Variants in GLDC observed in about 807,000 individuals in gnomAD.
GLDC encodes the protein glycine decarboxylase, also known as glycine dehydrogenase (decarboxylating), mitochondrial.
GLDC carries 104 observed loss-of-function variants against 121.3 expected under a neutral mutation model. That is an observed-to-expected ratio of 0.86 (90% CI 0.73 to 1.01). The LOEUF (loss-of-function observed/expected upper bound fraction) is 1.01. Ranked by LOEUF, GLDC falls within the 50% of genes least tolerant of loss-of-function variation. The pLI, the probability that GLDC is intolerant of heterozygous loss-of-function variation, is 0.00. For synonymous variants in GLDC, 546 were observed against 480.6 expected (o/e 1.14, Z -1.78); for missense variants, 1,429 against 1,306.6 (o/e 1.09, Z -1.44).
chr9:6,572,260 A>G (rs554461140), intron 15 of GLDC, among the ~76,000 whole-genome samples: 11 of 152,230 alleles, frequency 7.2e-5, no homozygotes, highest in Admixed American at 3.3e-4. Context: ...GTATCTGCAA[A>G]CTACCATAGC....
intron 3 of GLDC, among the ~76,000 whole-genome samples, chr9:6,611,810 G>C (rs1291746871): frequency 6.6e-6 from 1 of 152,082 alleles, no homozygotes; most frequent in Admixed American, 6.6e-5. Context: ...TTTATCAGAT[G>C]GACTAGATTG....
At position 6,540,271 on chromosome 9, in the gene GLDC, C is replaced by T; in HGVS notation, c.2570-125G>A. On this transcript the variant is annotated intron_variant, in intron 21 of 24. Coordinates refer to ENST00000321612, the MANE Select transcript of GLDC (RefSeq NM_000170.3). ...ATGTGTATCAGCGAGGACCAAGAAGCCATGGGCACCGGGTAAGTTTATTAT... is the reference window on the plus strand; with the variant it reads ...ATGTGTATCAGCGAGGACCAAGAAGTCATGGGCACCGGGTAAGTTTATTAT... 4.1e-6 allele frequency: 3 copies of T among 722,954 alleles called. No homozygotes were observed. The South Asian group carries it at 4.5e-5, about 11-fold the overall frequency. 44.8% of individuals were successfully genotyped at this position (722,954 alleles called of 1,614,324 possible).
chr9:6,618,435 C>A (rs555832949), intron 3 of GLDC, among the ~76,000 whole-genome samples: 3 of 152,126 alleles, frequency 2.0e-5, no homozygotes, highest in East Asian at 1.9e-4. Context: ...AGCCTCCCAA[C>A]TAGCTGCGAT....
At chr9:6,630,200 C>T (rs887870116) in intron 2 of GLDC, among the ~76,000 whole-genome samples, 1 of 151,560 alleles carries the variant, frequency 6.6e-6, no homozygotes, top group African/African-American at 2.4e-5. Context: ...ACCCAGGAGG[C>T]GGAGCTTGCA....
intron 11 of GLDC, 69 bp from the exon 12 acceptor site, chr9:6,589,361 C>G (rs992109845): frequency 1.8e-5 from 16 of 878,106 alleles, no homozygotes; most frequent in Non-Finnish European, 3.1e-5. Flanking sequence ...ATCCAGGCTT[C>G]TGGGTGGCTG....
intron 15 of GLDC, among the ~76,000 whole-genome samples, chr9:6,578,654 C>T (rs1236719202): frequency 6.6e-6 from 1 of 152,008 alleles, no homozygotes; most frequent in African/African-American, 2.4e-5. Flanking sequence ...ATCCTCCCAC[C>T]TCAGCCCCCA....
intron 24 of GLDC, among the ~76,000 whole-genome samples, chr9:6,534,481 A>G (rs1184759903): frequency 1.3e-5 from 2 of 152,170 alleles, no homozygotes; most frequent in East Asian, 1.9e-4. Context: ...ACTCGTATTC[A>G]GTTTTCCCCC....
chr9:6,584,056 A>C (rs1818219833), intron 15 of GLDC, among the ~76,000 whole-genome samples: 2 of 152,244 alleles, frequency 1.3e-5, no homozygotes, highest in Non-Finnish European at 2.9e-5. Flanking sequence ...CACAATAAAA[A>C]ATACTTTAGA....
At chr9:6,545,793 A>G (rs1170560712) in intron 21 of GLDC, among the ~76,000 whole-genome samples, 2 of 151,972 alleles carry the variant, frequency 1.3e-5, no homozygotes, top group Non-Finnish European at 2.9e-5. Context: ...GATGTCCACC[A>G]CCATGCCTGG....
At chr9:6,622,736 C>A (rs968183603) in intron 2 of GLDC, 17 of 204,326 alleles carry the variant, frequency 8.3e-5, no homozygotes, top group East Asian at 1.7e-4. Context: ...CTCTGCCTGG[C>A]TGCCCAGTCT....
At chr9:6,570,306 G>C (rs1304384941) in intron 15 of GLDC, among the ~76,000 whole-genome samples, 1 of 152,116 alleles carries the variant, frequency 6.6e-6, no homozygotes, top group Non-Finnish European at 1.5e-5. Context: ...CCACGCTGTG[G>C]ATTCTAAAGT....
chr9:6,645,476 C>T lies in GLDC; in HGVS notation c.24G>A (p.Trp8Ter), dbSNP rs1163356968. 9.5e-6 allele frequency: 12 copies of T among 1,268,762 alleles called. No individual in the cohort carries two copies. Among genetic ancestry groups the T allele is most frequent in the African/African-American group, 1.6e-5 (1 of 63,980 alleles). The allele number at this position is 1,268,762 out of a possible 1,614,324, so 78.6% of individuals were successfully genotyped here. The change falls in exon 1 of 25, where the codon TGG (tryptophan) becomes TGA (stop). Residue 8 changes from tryptophan to a stop codon, truncating the protein, a stop_gained. Transcript: ENST00000321612. LOFTEE classifies it high-confidence loss of function. MQSCARAWGLRLGRGVGG... is the reference protein window; with the variant it reads MQSCARA The stretch of plus-strand genomic sequence containing the variant: ...CGACCCCGCGGCCCAGGCGCAGCCC[C>T]CACGCCCTGGCACAGGACTGCATGG...
intron 17 of GLDC, 117 bp downstream of exon 17, chr9:6,558,442 A>C: frequency 1.7e-6 from 2 of 1,168,926 alleles, no homozygotes; most frequent in Non-Finnish European, 1.3e-6. Context: ...CAAAGGAAGA[A>C]CTGCAGACTT....
Position 6,645,606 on chromosome 9 carries a change from CT to C in GLDC, c.-108del. 1 of 805,280 alleles carries C rather than the reference CT, an allele frequency of 1.2e-6. No homozygotes were observed. The highest frequency in any genetic ancestry group is 4.7e-4 in the Middle Eastern group (1 of 2,142). 49.9% of individuals were successfully genotyped at this position (805,280 alleles called of 1,614,324 possible). On this transcript the variant is annotated 5_prime_UTR_variant, in exon 1 of 25. Transcript: ENST00000321612. Reference sequence around the variant, plus strand: ...GGCGGCTGCGCCCGGCCTGGAGCCCCTTTCGCTGGACAGTCGGCCGGACAGA... The same window carrying C: ...GGCGGCTGCGCCCGGCCTGGAGCCCCTTCGCTGGACAGTCGGCCGGACAGA...
At chr9:6,611,376 T>G (rs1818849485) in intron 3 of GLDC, among the ~76,000 whole-genome samples, 1 of 152,050 alleles carries the variant, frequency 6.6e-6, no homozygotes, top group Non-Finnish European at 1.5e-5. Flanking sequence ...GCTAACATGG[T>G]GAAACCCGTC....
At chr9:6,556,567 C>T (rs1371771140) in intron 17 of GLDC, among the ~76,000 whole-genome samples, 1 of 152,084 alleles carries the variant, frequency 6.6e-6, no homozygotes, top group Non-Finnish European at 1.5e-5. Context: ...CCGAGGCGGG[C>T]AGATCACCTA....
intron 16 of GLDC, among the ~76,000 whole-genome samples, chr9:6,563,783 A>G (rs890747487): frequency 2.0e-5 from 3 of 152,142 alleles, no homozygotes; most frequent in African/African-American, 7.2e-5. Flanking sequence ...GCAGTCCTTG[A>G]CCAGGGTTTA....
chr9:6,540,720 C>T (rs201283465), intron 21 of GLDC: 225 of 159,422 alleles, frequency 1.4e-3, no homozygotes, highest in Middle Eastern at 0.013. Flanking sequence ...TAGAAATACG[C>T]GACGTCAAAC....
chr9:6,611,711 G>C (rs1818861300), intron 3 of GLDC, among the ~76,000 whole-genome samples: 1 of 152,018 alleles, frequency 6.6e-6, no homozygotes, highest in South Asian at 2.1e-4. Flanking sequence ...GTTGTTTTCT[G>C]TGCTGTGATG....
Sources: gnomAD v4.1 joint callset for allele counts (sites outside exome capture counted in the v4.1 genomes callset) on GRCh38, gnomAD v4.1.1 for gene constraint, MANE v1.5 for transcripts, NCBI Gene and HGNC (gene_info 2026-07-23, HGNC 2026-07-21) for gene names.